The following XKR6 variants were observed in gnomAD, a reference collection of about 807,000 sequenced individuals.
XKR6 encodes the protein XK related 6, also known as XK-related protein 6.
In XKR6, 22 loss-of-function variants were observed where a neutral mutation model predicts 56.7. The observed-to-expected ratio is 0.39, with a 90% confidence interval of 0.28 to 0.55. The LOEUF (loss-of-function observed/expected upper bound fraction) is 0.55, where lower values mean the gene tolerates loss of function less well. XKR6 is among the 20% of genes least tolerant of loss of function. XKR6 has a pLI of 0.66. For synonymous variants in XKR6, 524 were observed against 387.8 expected (o/e 1.35, Z -4.13); for missense variants, 852 against 889.0 (o/e 0.96, Z 0.53).
chr8:11,166,117 C>G (rs1802057572), intron 1 of XKR6, among the ~76,000 whole-genome samples: 1 of 151,920 alleles, frequency 6.6e-6, no homozygotes. Flanking sequence ...CCACCATGCC[C>G]AGCTAATTTT....
At chr8:10,930,355 G>A (rs780575087) in intron 1 of XKR6, among the ~76,000 whole-genome samples, 2 of 152,068 alleles carry the variant, frequency 1.3e-5, no homozygotes, top group Non-Finnish European at 2.9e-5. Flanking sequence ...TAAGGAAAAT[G>A]GTAAATTCTA....
chr8:10,910,610 G>C (rs999608931), intron 2 of XKR6, among the ~76,000 whole-genome samples: 2 of 152,206 alleles, frequency 1.3e-5, no homozygotes, highest in African/African-American at 2.4e-5. Flanking sequence ...CTGAGCAGCT[G>C]GCTGGGGGCT....
chr8:10,972,684 C>T (rs1278735457), intron 1 of XKR6, among the ~76,000 whole-genome samples: 1 of 152,124 alleles, frequency 6.6e-6, no homozygotes, highest in Non-Finnish European at 1.5e-5. Context: ...CAAAGTAGAA[C>T]AGGCTTGCCA....
intron 1 of XKR6, among the ~76,000 whole-genome samples, chr8:11,111,436 T>A (rs1047847621): frequency 1.3e-5 from 2 of 152,204 alleles, no homozygotes; most frequent in African/African-American, 4.8e-5. Flanking sequence ...CATATTCTAA[T>A]ACAGGCCATT....
At position 11,184,901 on chromosome 8, in the gene XKR6, C is replaced by T. The variant is rs151081990; in HGVS notation, c.764+15675G>A. Among the ~76,000 whole-genome samples, 452 of 152,200 alleles carry T rather than the reference C, an allele frequency of 3.0e-3. 1 individual carries two copies. The highest frequency in any genetic ancestry group is 0.01 in the Middle Eastern group (3 of 294). On this transcript the variant is annotated intron_variant, in intron 1 of 2. Coordinates refer to ENST00000416569, the MANE Select transcript of XKR6 (RefSeq NM_173683.4). ...ACTAACACACAAACCAAATAGAATT[C>T]CATATATTTTAGTATACAGCACATC...
chr8:11,083,397 G>A (rs907046890), intron 1 of XKR6, among the ~76,000 whole-genome samples: 1 of 152,180 alleles, frequency 6.6e-6, no homozygotes, highest in Non-Finnish European at 1.5e-5. Context: ...AGGCAGCTGG[G>A]AGCCACCTGT....
intron 1 of XKR6, among the ~76,000 whole-genome samples, chr8:10,927,916 G>A (rs559065966): frequency 2.0e-5 from 3 of 152,254 alleles, no homozygotes; most frequent in South Asian, 4.2e-4. Flanking sequence ...TGGGTCACCC[G>A]CACAGGCACC....
chr8:10,909,097 T>C (rs1024776792), intron 2 of XKR6, among the ~76,000 whole-genome samples: 16 of 150,352 alleles, frequency 1.1e-4, no homozygotes, highest in African/African-American at 3.7e-4. Context: ...ACTGGGGAGG[T>C]GGAGGTTGCA....
intron 1 of XKR6, among the ~76,000 whole-genome samples, chr8:11,152,294 T>G (rs559747112): frequency 6.6e-6 from 1 of 152,208 alleles, no homozygotes; most frequent in African/African-American, 2.4e-5. Flanking sequence ...TTGCCCTTCC[T>G]GAAACATTCA....
At chr8:11,075,711 A>G (rs1800256524) in intron 1 of XKR6, among the ~76,000 whole-genome samples, 1 of 152,206 alleles carries the variant, frequency 6.6e-6, no homozygotes, top group Middle Eastern at 3.4e-3. Flanking sequence ...CGCCTCTACT[A>G]AAAATACAAA....
rs936898164 is a variant in XKR6 at position 11,166,028 on chromosome 8, T to G, written c.764+34548A>C. Among the ~76,000 whole-genome samples the G allele has an allele frequency of 7.9e-5, 12 of 151,536 alleles. No homozygotes were observed. The South Asian group carries it at 1.3e-3, about 16-fold the overall frequency. ...TGGAGTGCAGTTGTGTGATCTCAGCTCACTGCAACCTCCACCTCCTGGATT... is the reference window on the plus strand; with the variant it reads ...TGGAGTGCAGTTGTGTGATCTCAGCGCACTGCAACCTCCACCTCCTGGATT... On this transcript the variant is annotated intron_variant, in intron 1 of 2. Transcript: ENST00000416569.
intron 1 of XKR6, among the ~76,000 whole-genome samples, chr8:10,960,264 G>A (rs1187551698): frequency 2.6e-5 from 4 of 151,534 alleles, no homozygotes; most frequent in South Asian, 2.1e-4. Context: ...GGTATAGCAG[G>A]TGGGTGCAGG....
intron 1 of XKR6, among the ~76,000 whole-genome samples, chr8:10,982,349 T>G (rs999925323): frequency 6.6e-6 from 1 of 152,252 alleles, no homozygotes; most frequent in Non-Finnish European, 1.5e-5. Context: ...CTGTTTTTTC[T>G]GTCTAAGATG....
chr8:11,019,992 C>T (rs1798713862), intron 1 of XKR6, among the ~76,000 whole-genome samples: 1 of 152,168 alleles, frequency 6.6e-6, no homozygotes, highest in African/African-American at 2.4e-5. Flanking sequence ...GGATAGGGCA[C>T]TCTTCCCCCA....
At chr8:11,016,576 G>A (rs1186558948) in intron 1 of XKR6, among the ~76,000 whole-genome samples, 2 of 152,314 alleles carry the variant, frequency 1.3e-5, no homozygotes, top group Admixed American at 6.5e-5. Flanking sequence ...TCCGCGCCCC[G>A]ACAGCGCCGC....
intron 1 of XKR6, among the ~76,000 whole-genome samples, chr8:11,120,804 C>A (rs1296875617): frequency 6.6e-6 from 1 of 152,124 alleles, no homozygotes; most frequent in African/African-American, 2.4e-5. Context: ...AGGCTACAGT[C>A]ACCAAAACAG....
intron 1 of XKR6, among the ~76,000 whole-genome samples, chr8:11,153,915 C>T (rs1801380188): frequency 6.6e-6 from 1 of 152,164 alleles, no homozygotes; most frequent in Non-Finnish European, 1.5e-5. Flanking sequence ...ACGAATATTC[C>T]CTCTGGACTA....
At chr8:10,899,086 G>T (rs1022053341) in intron 2 of XKR6, among the ~76,000 whole-genome samples, 170 bp from the exon 3 acceptor site, 3 of 152,200 alleles carry the variant, frequency 2.0e-5, no homozygotes, top group African/African-American at 7.2e-5. Flanking sequence ...TCCCTACGCT[G>T]ACAACTTGGG....
chr8:11,199,521 CCT>C (rs1426658408), intron 1 of XKR6, among the ~76,000 whole-genome samples: 2 of 152,154 alleles, frequency 1.3e-5, no homozygotes, highest in South Asian at 2.1e-4. Context: ...AGAGCTTGTC[CCT>C]GTGTAATTTA....
Sources: gnomAD v4.1 joint callset for allele counts (sites outside exome capture counted in the v4.1 genomes callset) on GRCh38, gnomAD v4.1.1 for gene constraint, MANE v1.5 for transcripts, NCBI Gene and HGNC (gene_info 2026-07-23, HGNC 2026-07-21) for gene names.